The following SLC16A7 variants were observed in gnomAD, a reference collection of about 807,000 sequenced individuals.
SLC16A7 encodes monocarboxylate transporter 2.
A neutral mutation model predicts 34.9 loss-of-function variants in SLC16A7; 33 were observed. The observed-to-expected ratio is 0.94, with a 90% CI of 0.72 to 1.26. SLC16A7 has a LOEUF of 1.26. SLC16A7 is among the 50% of genes most tolerant of loss of function. SLC16A7 has a pLI of 0.00. For missense variants in SLC16A7, 573 were observed against 578.1 expected (o/e 0.99, Z 0.09); for synonymous variants, 201 against 206.6 (o/e 0.97, Z 0.23).
At chr12:59,674,771 A>G (rs958770913) in intron 2 of SLC16A7, among the ~76,000 whole-genome samples, 9 of 152,226 alleles carry the variant, frequency 5.9e-5, no homozygotes, top group Non-Finnish European at 1.2e-4. Context: ...TCCTTTGGGA[A>G]CTGGAGTGAA....
At chr12:59,678,535 A>G (rs779566869) in intron 2 of SLC16A7, among the ~76,000 whole-genome samples, 1 of 152,128 alleles carries the variant, frequency 6.6e-6, no homozygotes, top group Non-Finnish European at 1.5e-5. Flanking sequence ...CTCTGGAGTG[A>G]GTAACTCTTC....
rs371813813 is a variant in SLC16A7 at position 59,626,490 on chromosome 12, C to T, written c.-129-28662C>T. On this transcript the variant is annotated intron_variant, in intron 1 of 5. Coordinates refer to ENST00000547379, the MANE Select transcript of SLC16A7 (RefSeq NM_001270623.2). Reference sequence around the variant, plus strand: ...TGAGGTGGACTAATGCTATAATTCTCTCCATTTGACAGATGAGTACAACTG... The same window carrying T: ...TGAGGTGGACTAATGCTATAATTCTTTCCATTTGACAGATGAGTACAACTG... 7.9e-5 allele frequency among the ~76,000 whole-genome samples: 12 copies of T among 151,854 alleles called. No individual in the cohort carries two copies. In the South Asian group the frequency reaches 1.9e-3, roughly 24 times the overall value.
intron 1 of SLC16A7, among the ~76,000 whole-genome samples, chr12:59,605,262 A>G (rs1406423143): frequency 1.4e-4 from 21 of 152,230 alleles, no homozygotes; most frequent in Admixed American, 6.5e-5. Context: ...GAACCAAGCT[A>G]GAAAGCTTAG....
At chr12:59,678,058 T>C (rs1870449080) in intron 2 of SLC16A7, among the ~76,000 whole-genome samples, 1 of 152,128 alleles carries the variant, frequency 6.6e-6, no homozygotes, top group Admixed American at 6.5e-5. Context: ...GTGAGGGACA[T>C]GTGAGTGAGC....
chr12:59,667,094 G>A, intron 2 of SLC16A7, among the ~76,000 whole-genome samples: 1 of 152,132 alleles, frequency 6.6e-6, no homozygotes, highest in East Asian at 1.9e-4. Context: ...GGAATCCCCT[G>A]ATAAACCCAT....
intron 1 of SLC16A7, among the ~76,000 whole-genome samples, chr12:59,644,416 A>G (rs921946359): frequency 1.3e-5 from 2 of 152,006 alleles, no homozygotes; most frequent in African/African-American, 4.8e-5. Flanking sequence ...AAAATACAAA[A>G]ATGAGCCGAA....
rs141169439 is a variant in SLC16A7, at chr12:59,642,937, G to T, written c.-129-12215G>T. ...ATACAGGCACAAAGGATGTTGGAAA[G>T]TTTATTGTAGAGCCATAGATTATTG... On this transcript the variant is annotated intron_variant, in intron 1 of 5. Coordinates refer to ENST00000547379, the MANE Select transcript of SLC16A7 (RefSeq NM_001270623.2). Among the ~76,000 whole-genome samples, 177 of 152,188 alleles carry T rather than the reference G, an allele frequency of 1.2e-3. 3 individuals carry two copies. In the East Asian group the frequency reaches 0.029, roughly 25 times the overall value.
intron 2 of SLC16A7, chr12:59,689,370 A>G (rs1290296869): frequency 6.6e-6 from 1 of 151,996 alleles, no homozygotes; most frequent in Non-Finnish European, 1.5e-5. Context: ...GCAATGGTTC[A>G]CAAGGAAACT....
intron 2 of SLC16A7, among the ~76,000 whole-genome samples, chr12:59,673,512 C>G (rs1044002083): frequency 6.7e-6 from 1 of 150,046 alleles, no homozygotes; most frequent in Non-Finnish European, 1.5e-5. Context: ...CAAGTAATCT[C>G]TAGTAATTTT....
At chr12:59,723,495 A>G (rs1875855504) in intron 3 of SLC16A7, among the ~76,000 whole-genome samples, 1 of 151,968 alleles carries the variant, frequency 6.6e-6, no homozygotes, top group African/African-American at 2.4e-5. Context: ...GTGAATTGCT[A>G]TGGGAGAAGA....
chr12:59,688,681 G>A (rs1038447213), intron 2 of SLC16A7, among the ~76,000 whole-genome samples: 8 of 151,830 alleles, frequency 5.3e-5, no homozygotes, highest in Non-Finnish European at 8.8e-5. Context: ...CAATTATGCA[G>A]GAGTCTCATA....
In SLC16A7 at chr12:59,782,661, C is replaced by T. The variant is rs1883332613; in HGVS notation, c.*2982C>T. On this transcript the variant is annotated 3_prime_UTR_variant, in exon 6 of 6. Coordinates refer to ENST00000547379, the MANE Select transcript of SLC16A7 (RefSeq NM_001270623.2). Reference sequence around the variant, plus strand: ...TTTTCATTCGTGTTAACTGAGCCCCCCATATTTTTTACTACTTAACCTTAA... The same window carrying T: ...TTTTCATTCGTGTTAACTGAGCCCCTCATATTTTTTACTACTTAACCTTAA... 1 of 152,040 alleles carries T rather than the reference C, an allele frequency of 6.6e-6. No individual in the cohort carries two copies. Among genetic ancestry groups the T allele is most frequent in the Admixed American group, 6.6e-5 (1 of 15,234 alleles). The allele number at this position is 152,040 out of a possible 1,614,324, so 9.4% of individuals were successfully genotyped here.
At chr12:59,778,538 G>A (rs904570939) in intron 5 of SLC16A7, among the ~76,000 whole-genome samples, 48 of 152,190 alleles carry the variant, frequency 3.2e-4, no homozygotes, top group Middle Eastern at 3.4e-3. Context: ...TAATAATTAC[G>A]AAGAATTAGA....
chr12:59,640,129 G>A (rs1880613626), intron 1 of SLC16A7, among the ~76,000 whole-genome samples: 2 of 152,062 alleles, frequency 1.3e-5, no homozygotes, highest in African/African-American at 4.8e-5. Context: ...GTTCCCTCTA[G>A]GCATGCCACC....
At position 59,630,173 on chromosome 12, in the gene SLC16A7, A is replaced by C. The variant is rs555524961; in HGVS notation, c.-129-24979A>C. Among the ~76,000 whole-genome samples the C allele has an allele frequency of 1.3e-3, 196 of 151,994 alleles. 4 individuals carry two copies. In the South Asian group the frequency reaches 0.015, roughly 11 times the overall value. Reference sequence around the variant, plus strand: ...AGAATGATGGCTCTCTGTTGTGGTCACTTTCCTTGGTGTGGTATGTTTTCT... The same window carrying C: ...AGAATGATGGCTCTCTGTTGTGGTCCCTTTCCTTGGTGTGGTATGTTTTCT... On this transcript the variant is annotated intron_variant, in intron 1 of 5. Coordinates refer to ENST00000547379, the MANE Select transcript of SLC16A7 (RefSeq NM_001270623.2).
At chr12:59,737,940 G>C (rs909407979) in intron 3 of SLC16A7, among the ~76,000 whole-genome samples, 14 of 152,166 alleles carry the variant, frequency 9.2e-5, no homozygotes, top group Non-Finnish European at 1.0e-4. Context: ...CTTGTGGATT[G>C]CAGAGACTGA....
chr12:59,733,397 CA>C (rs1218770257), intron 3 of SLC16A7, among the ~76,000 whole-genome samples: 1 of 152,150 alleles, frequency 6.6e-6, no homozygotes, highest in Non-Finnish European at 1.5e-5. Flanking sequence ...CAGGCGCTGG[CA>C]AAGGCACTGG....
At chr12:59,598,299 G>T (rs773412920) in intron 1 of SLC16A7, among the ~76,000 whole-genome samples, 68 of 152,214 alleles carry the variant, frequency 4.5e-4, no homozygotes, top group Non-Finnish European at 8.1e-4. Flanking sequence ...ACTCTGAAGT[G>T]ATATTGGGAA....
chr12:59,732,311 T>C (rs978851948), intron 3 of SLC16A7, among the ~76,000 whole-genome samples: 17 of 151,902 alleles, frequency 1.1e-4, no homozygotes, highest in East Asian at 9.7e-4. Flanking sequence ...TCCCAGCTAC[T>C]TGGGAGGCTG....
Sources: allele counts gnomAD v4.1 joint callset (sites outside exome capture counted in the v4.1 genomes callset), GRCh38; gene constraint gnomAD v4.1.1; transcripts MANE v1.5; gene names NCBI Gene and HGNC (gene_info 2026-07-23, HGNC 2026-07-21).